ROR1: variants seen among roughly 807,000 people sequenced by gnomAD.
The protein encoded by ROR1 is ROR family WNT receptor 1.
A neutral mutation model predicts 78.8 loss-of-function variants in ROR1; 19 were observed. That is an observed-to-expected ratio of 0.24 (90% CI 0.17 to 0.35). ROR1 has a LOEUF of 0.35. Among genes scored for constraint, ROR1 ranks in the 10% least tolerant of loss-of-function variants. The probability of loss-of-function intolerance (pLI) is 1.00; values close to 1 mark genes in which losing one functional copy is unlikely to be tolerated. For missense variants in ROR1, 917 were observed against 1,177.8 expected, an observed-to-expected ratio of 0.78 and a Z score of 3.24; for synonymous variants, 386 against 433.6, an observed-to-expected ratio of 0.89 and a Z score of 1.36.
intron 8 of ROR1, among the ~76,000 whole-genome samples, chr1:64,167,292 A>C (rs916778695): frequency 2.0e-5 from 3 of 152,216 alleles, no homozygotes; most frequent in African/African-American, 7.2e-5. Flanking sequence ...ATTATAAAGT[A>C]ACTCAACCAC....
chr1:64,071,163 G>T (rs12083876), intron 4 of ROR1, among the ~76,000 whole-genome samples: 3 of 152,110 alleles, frequency 2.0e-5, no homozygotes, highest in Non-Finnish European at 4.4e-5. Flanking sequence ...GGAGCTACGC[G>T]TTACTTAGCT....
At chr1:63,786,370 T>A (rs897905136) in intron 1 of ROR1, among the ~76,000 whole-genome samples, 29 of 146,986 alleles carry the variant, frequency 2.0e-4, no homozygotes, top group Non-Finnish European at 4.0e-4. Flanking sequence ...CCTCCCGGGT[T>A]CACGCCATTC....
At chr1:63,918,454 C>G (rs530145740) in intron 1 of ROR1, among the ~76,000 whole-genome samples, 27 of 152,304 alleles carry the variant, frequency 1.8e-4, no homozygotes, top group Non-Finnish European at 3.1e-4. Flanking sequence ...TTTTAAACCA[C>G]TCTTTATGAA....
intron 1 of ROR1, among the ~76,000 whole-genome samples, chr1:63,961,967 A>G (rs1044568763): frequency 1.3e-5 from 2 of 152,230 alleles, no homozygotes; most frequent in Non-Finnish European, 2.9e-5. Flanking sequence ...AAATATGTAC[A>G]ATTATTATGT....
intron 1 of ROR1, among the ~76,000 whole-genome samples, chr1:63,822,212 GTTTTCTGAT>G (rs1339618978): frequency 2.0e-5 from 3 of 152,136 alleles, no homozygotes; most frequent in Non-Finnish European, 4.4e-5. Context: ...TGCCTATTTT[GTTTTCTGAT>G]GAAACTGTGG....
At chr1:64,023,160 A>C (rs1646578983) in intron 2 of ROR1, among the ~76,000 whole-genome samples, 1 of 152,180 alleles carries the variant, frequency 6.6e-6, no homozygotes, top group African/African-American at 2.4e-5. Context: ...AACCCTGGGT[A>C]GACCTTGAGA....
chr1:64,093,672 T>C (rs978932920), intron 4 of ROR1, among the ~76,000 whole-genome samples: 2 of 151,192 alleles, frequency 1.3e-5, no homozygotes, highest in African/African-American at 4.9e-5. Context: ...CCTGAACCTC[T>C]TTTTTTTTGT....
At chr1:64,137,620 A>T in intron 5 of ROR1, 124 bp downstream of exon 5, 3 of 838,576 alleles carry the variant, frequency 3.6e-6, no homozygotes, top group South Asian at 1.8e-5. Context: ...CAGGACCATA[A>T]AAAAGCATGA....
At chr1:64,049,629 G>T (rs1477039828) in intron 2 of ROR1, 62 bp from the exon 3 acceptor site, 1 of 1,466,682 alleles carries the variant, frequency 6.8e-7, no homozygotes, top group East Asian at 2.3e-5. Context: ...AGGGGATTTG[G>T]CTGCTTGGAA....
intron 1 of ROR1, among the ~76,000 whole-genome samples, chr1:63,937,785 G>A (rs752238159): frequency 1.3e-5 from 2 of 152,180 alleles, no homozygotes; most frequent in African/African-American, 2.4e-5. Context: ...TGTTTTTAGT[G>A]TTCATGTGAC....
chr1:64,085,568 T>C (rs1647145742), intron 4 of ROR1, among the ~76,000 whole-genome samples: 3 of 152,162 alleles, frequency 2.0e-5, no homozygotes, highest in African/African-American at 7.2e-5. Flanking sequence ...GGAATAAATC[T>C]CTGCCGACCC....
At chr1:63,847,382 C>G (rs1005036531) in intron 1 of ROR1, among the ~76,000 whole-genome samples, 1 of 152,148 alleles carries the variant, frequency 6.6e-6, no homozygotes, top group Non-Finnish European at 1.5e-5. Flanking sequence ...TGGTACCAGC[C>G]TATGGATTGG....
chr1:63,802,608 C>T (rs916803638), intron 1 of ROR1, among the ~76,000 whole-genome samples: 1 of 152,222 alleles, frequency 6.6e-6, no homozygotes, highest in African/African-American at 2.4e-5. Context: ...TAAGCCAGAT[C>T]TCTACCCTCT....
chr1:64,114,377 T>G (rs1475964494), intron 4 of ROR1, among the ~76,000 whole-genome samples: 1 of 152,174 alleles, frequency 6.6e-6, no homozygotes, highest in Non-Finnish European at 1.5e-5. Flanking sequence ...GGCTTAATTT[T>G]AGAAGAGAGA....
At chr1:63,959,441 A>G (rs1015038514) in intron 1 of ROR1, among the ~76,000 whole-genome samples, 4 of 152,166 alleles carry the variant, frequency 2.6e-5, no homozygotes, top group Admixed American at 6.5e-5. Flanking sequence ...GAGTGCTGAC[A>G]TATGGGTAAT....
intron 1 of ROR1, among the ~76,000 whole-genome samples, chr1:63,814,852 A>G (rs974387814): frequency 6.6e-6 from 1 of 152,142 alleles, no homozygotes; most frequent in Non-Finnish European, 1.5e-5. Flanking sequence ...CAGGCCATGG[A>G]CCAGTAGGAG....
intron 1 of ROR1, among the ~76,000 whole-genome samples, chr1:63,961,127 CT>C (rs376481147): frequency 0.042 from 6,344 of 151,042 alleles, 181 homozygotes; most frequent in Non-Finnish European, 0.066. Flanking sequence ...GACATTCCCT[CT>C]TTTTTTTTAA....
At chr1:63,852,825 A>G (rs1352486614) in intron 1 of ROR1, among the ~76,000 whole-genome samples, 1 of 152,198 alleles carries the variant, frequency 6.6e-6, no homozygotes, top group African/African-American at 2.4e-5. Flanking sequence ...CATTTGCAAT[A>G]GACTCCTGCT....
intron 4 of ROR1, among the ~76,000 whole-genome samples, chr1:64,136,549 A>G (rs922631250): frequency 5.3e-5 from 8 of 151,756 alleles, no homozygotes; most frequent in Non-Finnish European, 8.8e-5. Flanking sequence ...TTTCAGGTTG[A>G]GCCTGCCATC....
Sources: gnomAD v4.1 joint callset for allele counts (sites outside exome capture counted in the v4.1 genomes callset) on GRCh38, gnomAD v4.1.1 for gene constraint, MANE v1.5 for transcripts, NCBI Gene and HGNC (gene_info 2026-07-23, HGNC 2026-07-21) for gene names.